REXO5: variants seen among roughly 807,000 people sequenced by gnomAD.
The protein encoded by REXO5 is RNA exonuclease 5.
Under a neutral mutation model 88.5 loss-of-function variants are expected in REXO5, and 48 were observed. The observed-to-expected ratio is 0.54, with a 90% confidence interval of 0.43 to 0.69. The LOEUF is 0.69. Among genes scored for constraint, REXO5 ranks in the 30% least tolerant of loss-of-function variants. The probability of loss-of-function intolerance (pLI) is 0.00; values close to 1 mark genes in which losing one functional copy is unlikely to be tolerated. For missense variants in REXO5, 749 were observed against 912.2 expected, an observed-to-expected ratio of 0.82 and a Z score of 2.30; for synonymous variants, 311 against 336.5, an observed-to-expected ratio of 0.92 and a Z score of 0.83.
At chr16:20,806,427 CCATTCCCGA>C (rs1404323372), upstream of REXO5, 1 of 1,553,196 alleles carries the variant, frequency 6.4e-7, no homozygotes, top group East Asian at 2.4e-5. Flanking sequence ...CGCTTGGTCG[CCATTCCCGA>C]CACTCCTTGC....
intron 14 of REXO5, chr16:20,840,073 A>C (rs2081502487): frequency 1.8e-6 from 1 of 545,124 alleles, no homozygotes; most frequent in African/African-American, 1.9e-5. Flanking sequence ...AGTATATCAT[A>C]CATCTTTCTG....
chr16:20,818,226 T>C (rs1048048671), intron 5 of REXO5, among the ~76,000 whole-genome samples: 3 of 152,204 alleles, frequency 2.0e-5, no homozygotes, highest in African/African-American at 7.2e-5. Context: ...TTACCTGATA[T>C]ATTACGTATT....
intron 10 of REXO5, 22 bp from the exon 11 acceptor site, chr16:20,828,413 C>A (rs1292398659): frequency 1.3e-6 from 2 of 1,509,018 alleles, no homozygotes; most frequent in Non-Finnish European, 1.8e-6. Context: ...TCCAGTATGT[C>A]AATTTTATAT....
At chr16:20,825,733 C>T in intron 7 of REXO5, 100 bp from the exon 8 acceptor site, 1 of 788,970 alleles carries the variant, frequency 1.3e-6, no homozygotes, top group South Asian at 1.8e-5. Context: ...CTGCAGGGAC[C>T]CTGGTAGATT....
rs2081271854 is a variant in REXO5, at chr16:20,827,157, A to G, written c.921A>G (p.Leu307=). 2.5e-6 allele frequency: 4 copies of G among 1,614,034 alleles called. No homozygotes were observed. The Admixed American group carries it at 5.0e-5, about 20-fold the overall frequency. The change falls in exon 9 of 20, where the codon TTA becomes TTG. Residue 307 remains leucine (L), a synonymous_variant. Transcript: ENST00000261377. ...CACTGCTTCCTCCTGATGCTGTGTT[A>G]GTGGGCCACTCCTTAGATTTGGATC... The part of the protein sequence containing the change: ...LKALLPPDAV[L]VGHSLDLDLR...
rs926663857 is a variant in REXO5, at chr16:20,828,359, C to G, written c.1056-76C>G. 8 of 870,564 alleles carry G rather than the reference C, an allele frequency of 9.2e-6. No individual in the cohort carries two copies. In the African/African-American group the frequency reaches 1.3e-4, roughly 15 times the overall value. The allele number at this position is 870,564 out of a possible 1,614,324, so 53.9% of individuals were successfully genotyped here. ...AGAATTCTAACATTTTATATGTAAT[C>G]AGAACACTTGAGATGGTTGAAAAAG... On this transcript the variant is annotated intron_variant, in intron 10 of 19. Transcript: ENST00000261377.
Position 20,827,549 on chromosome 16 carries a change from C to T in REXO5, c.1055+102C>T. 4.9e-6 allele frequency: 4 copies of T among 822,440 alleles called. 1 individual carries two copies. Among genetic ancestry groups the T allele is most frequent in the Middle Eastern group, 5.8e-4 (2 of 3,462 alleles). 50.9% of individuals were successfully genotyped at this position (822,440 alleles called of 1,614,324 possible). A position where few individuals can be genotyped will look rare whatever the true frequency, so the allele number is the denominator to read the frequency against. ...TATTGCAAAATTCAGGGTTTCTGCT[C>T]TCTTTGCTTTAAACATGTTTTTTTG... On this transcript the variant is annotated intron_variant, in intron 10 of 19. Coordinates refer to ENST00000261377, the MANE Select transcript of REXO5 (RefSeq NM_030941.3).
Position 20,833,142 on chromosome 16 carries a change from C to G in REXO5, c.1383+19C>G, listed in dbSNP as rs769857980. 1 of 1,610,254 alleles carries G rather than the reference C, an allele frequency of 6.2e-7. No individual in the cohort carries two copies. The highest frequency in any genetic ancestry group is 8.5e-7 in the Non-Finnish European group (1 of 1,177,510). Reference sequence around the variant, plus strand: ...TAAAGAGGTGAGTGGCCTGCTGAACCTTTGCAGGTTATATTCAAAGCAGAG... The same window carrying G: ...TAAAGAGGTGAGTGGCCTGCTGAACGTTTGCAGGTTATATTCAAAGCAGAG... On this transcript the variant is annotated intron_variant, in intron 13 of 19. Coordinates refer to ENST00000261377, the MANE Select transcript of REXO5 (RefSeq NM_030941.3).
intron 19 of REXO5, 39 bp from the exon 20 acceptor site, chr16:20,849,360 T>G (rs761787594): frequency 6.4e-7 from 1 of 1,569,988 alleles, no homozygotes; most frequent in Non-Finnish European, 8.8e-7. Context: ...CATTCAACCT[T>G]ATGGATAAAA....
chr16:20,806,597 G>C lies in REXO5; in HGVS notation c.-111G>C. 1 of 1,434,302 alleles carries C rather than the reference G, an allele frequency of 7.0e-7. No individual in the cohort carries two copies. Among genetic ancestry groups the C allele is most frequent in the Non-Finnish European group, 9.2e-7 (1 of 1,089,524 alleles). 88.8% of individuals were successfully genotyped at this position (1,434,302 alleles called of 1,614,324 possible). Reference sequence around the variant, plus strand: ...CCCGTCTTCTCTTCTGCGTTTCCCGGGCTAGGGGGCGTGGGGAGTGGTTTT... The same window carrying C: ...CCCGTCTTCTCTTCTGCGTTTCCCGCGCTAGGGGGCGTGGGGAGTGGTTTT... On this transcript the variant is annotated 5_prime_UTR_variant, in exon 1 of 20. Transcript: ENST00000261377.
intron 6 of REXO5, among the ~76,000 whole-genome samples, chr16:20,823,091 G>A (rs2081209828): frequency 1.3e-5 from 2 of 152,158 alleles, no homozygotes; most frequent in Non-Finnish European, 2.9e-5. Context: ...TGGGTATGAA[G>A]TGGTGTCTCA....
At chr16:20,806,916 GGA>G in intron 1 of REXO5, 34 bp from the exon 2 acceptor site, 2 of 1,553,304 alleles carry the variant, frequency 1.3e-6, no homozygotes, top group Non-Finnish European at 1.7e-6. Flanking sequence ...TAGGGGCGCT[GGA>G]GTTTCCCCAG....
chr16:20,829,850 A>G (rs1221689929), intron 11 of REXO5, among the ~76,000 whole-genome samples: 1 of 152,214 alleles, frequency 6.6e-6, no homozygotes, highest in African/African-American at 2.4e-5. Flanking sequence ...TCTTTTCTGT[A>G]TACCAGGGAT....
intron 13 of REXO5, among the ~76,000 whole-genome samples, chr16:20,834,692 CTA>C (rs968389741): frequency 1.6e-4 from 25 of 152,024 alleles, no homozygotes; most frequent in African/African-American, 6.0e-4. Flanking sequence ...GTTTCCGTTG[CTA>C]TGTCTTAGGT....
Position 20,845,224 on chromosome 16 carries a change from G to C in REXO5, c.2107G>C (p.Glu703Gln). ...GCTTCGTGTTGTACCTCCCCCCTTT[G>C]AACAGGAGGCCTTGCAGGTGAGTGA... is the stretch of plus-strand genomic sequence containing the variant. ...PGLRVVPPPF[E>Q]QEALQTLKLD... is the part of the protein sequence containing the mutation. The change falls in exon 18 of 20, where the codon GAA (glutamate) becomes CAA (glutamine). Residue 703 changes from glutamate (E) to glutamine (Q), a missense_variant. Transcript: ENST00000261377. 1 of 1,612,888 alleles carries C rather than the reference G, an allele frequency of 6.2e-7. No individual in the cohort carries two copies. The highest frequency in any genetic ancestry group is 8.5e-7 in the Non-Finnish European group (1 of 1,179,566).
Position 20,844,791 on chromosome 16 carries a change from G to C in REXO5, c.1882G>C (p.Val628Leu), listed in dbSNP as rs1350613872. 2 of 1,614,176 alleles carry C rather than the reference G, an allele frequency of 1.2e-6. No individual in the cohort carries two copies. The highest frequency in any genetic ancestry group is 8.5e-7 in the Non-Finnish European group (1 of 1,180,028). Residue 628 changes from valine to leucine, a missense_variant, in exon 17 of 20, where the codon GTG becomes CTG. By Grantham distance (32) the Val-to-Leu change is conservative (BLOSUM62 1). Coordinates refer to ENST00000261377, the MANE Select transcript of REXO5 (RefSeq NM_030941.3). ...EPRLFLGLEA[V>L]ILPKDLKSGK... ...CCGCCTCTTTCTTGGCCTGGAAGCT[G>C]TGATCTTGCCTAAAGATCTTAAAAG...
At chr16:20,833,443 T>A (rs1190534396) in intron 13 of REXO5, among the ~76,000 whole-genome samples, 1 of 152,232 alleles carries the variant, frequency 6.6e-6, no homozygotes, top group African/African-American at 2.4e-5. Context: ...TTTTTCTTTT[T>A]ATATTTTATG....
chr16:20,840,547 A>G, intron 15 of REXO5, 79 bp downstream of exon 15: 3 of 1,258,006 alleles, frequency 2.4e-6, no homozygotes, highest in Non-Finnish European at 3.2e-6. Flanking sequence ...TGCAGATAGC[A>G]AATATTCGTA....
At chr16:20,824,854 A>G (rs970458362) in intron 7 of REXO5, among the ~76,000 whole-genome samples, 1 of 151,982 alleles carries the variant, frequency 6.6e-6, no homozygotes, top group Non-Finnish European at 1.5e-5. Flanking sequence ...CTAAAAATAC[A>G]AAAAATTAGC....
Sources: allele counts gnomAD v4.1 joint callset (sites outside exome capture counted in the v4.1 genomes callset), GRCh38; gene constraint gnomAD v4.1.1; transcripts MANE v1.5; gene names NCBI Gene and HGNC (gene_info 2026-07-23, HGNC 2026-07-21).